Variants in RBMXL1 observed in about 807,000 individuals in gnomAD.
RBMXL1 encodes RNA binding motif protein, X-linked-like-1.
Under a neutral mutation model 29.0 loss-of-function variants are expected in RBMXL1, and 18 were observed. That is an observed-to-expected ratio of 0.62 (90% CI 0.43 to 0.92). The LOEUF (loss-of-function observed/expected upper bound fraction) is 0.92, where lower values mean the gene tolerates loss of function less well. Ranked by LOEUF, RBMXL1 falls within the 40% of genes least tolerant of loss-of-function variation. The pLI, the probability that RBMXL1 is intolerant of heterozygous loss-of-function variation, is 0.00. For missense variants in RBMXL1, 403 were observed against 495.8 expected, an observed-to-expected ratio of 0.81 and a Z score of 1.78; for synonymous variants, 141 against 170.4, an observed-to-expected ratio of 0.83 and a Z score of 1.34.
intron 2 of RBMXL1, among the ~76,000 whole-genome samples, chr1:88,985,528 G>A (rs1197919016): frequency 1.3e-5 from 2 of 152,208 alleles, no homozygotes; most frequent in African/African-American, 2.4e-5. Context: ...ATTGTTCAAG[G>A]TTGTTTAATG....
rs140488496 is a variant in RBMXL1, at chr1:88,990,625, T to A, written c.-341+1960A>T. 4.0e-4 allele frequency among the ~76,000 whole-genome samples: 61 copies of A among 152,326 alleles called. No individual in the cohort carries two copies. The East Asian group carries it at 6.9e-3, about 17-fold the overall frequency. ...TCTCCCACAATCCGCCATTGAATGA[T>A]GGAATTCCAAGACCTAGACCTAGGC... On this transcript the variant is annotated intron_variant, in intron 1 of 2. Transcript: ENST00000652648.
chr1:88,987,469 T>C, intron 2 of RBMXL1, among the ~76,000 whole-genome samples: 1 of 152,032 alleles, frequency 6.6e-6, no homozygotes, highest in African/African-American at 2.4e-5. Flanking sequence ...AGTTGAGAGA[T>C]TAGAATTAGG....
At position 88,983,866 on chromosome 1, in the gene RBMXL1, T is replaced by G. The variant is rs1570843204; in HGVS notation, c.-40A>C. 1 of 1,607,050 alleles carries G rather than the reference T, an allele frequency of 6.2e-7. No homozygotes were observed. The highest frequency in any genetic ancestry group is 8.5e-7 in the Non-Finnish European group (1 of 1,174,692). On this transcript the variant is annotated 5_prime_UTR_variant, in exon 3 of 3. Transcript: ENST00000652648. ...GTGAGTCGGAGGGGTGACAGTGGGT[T>G]CAAGCTCCAACAAGCTCGCCGACAG...
At chr1:88,984,854 T>C (rs1177845785) in intron 2 of RBMXL1, among the ~76,000 whole-genome samples, 1 of 151,932 alleles carries the variant, frequency 6.6e-6, no homozygotes, top group Non-Finnish European at 1.5e-5. Flanking sequence ...GAAAAAACAG[T>C]TTTGCCTTCA....
Position 88,983,988 on chromosome 1 carries a change from G to A in RBMXL1, c.-162C>T, listed in dbSNP as rs1316064204. On this transcript the variant is annotated 5_prime_UTR_variant, in exon 3 of 3. Coordinates refer to ENST00000652648, the MANE Select transcript of RBMXL1 (RefSeq NM_001162536.3). Reference sequence around the variant, plus strand: ...ACTGCGCAATCTGGATGCTTTTTAAGGTATGGCTATCCATTCAAAAAACCA... The same window carrying A: ...ACTGCGCAATCTGGATGCTTTTTAAAGTATGGCTATCCATTCAAAAAACCA... 4.9e-6 allele frequency: 3 copies of A among 606,964 alleles called. No homozygotes were observed. The East Asian group carries it at 8.4e-5, about 17-fold the overall frequency. 37.6% of individuals were successfully genotyped at this position (606,964 alleles called of 1,614,324 possible). A position where few individuals can be genotyped will look rare whatever the true frequency, so the allele number is the denominator to read the frequency against.
At chr1:88,989,270 T>C (rs1257829711) in intron 1 of RBMXL1, among the ~76,000 whole-genome samples, 1 of 152,110 alleles carries the variant, frequency 6.6e-6, no homozygotes, top group Admixed American at 6.5e-5. Context: ...AACCCAGTAG[T>C]ATACAAGAAG....
intron 2 of RBMXL1, among the ~76,000 whole-genome samples, chr1:88,984,356 C>T (rs376300994): frequency 6.6e-6 from 1 of 151,618 alleles, no homozygotes; most frequent in Non-Finnish European, 1.5e-5. Context: ...CTTGGATTAC[C>T]GGCATGCGCC....
In RBMXL1 at chr1:88,982,838, C is replaced by G. The variant is rs746590040; in HGVS notation, c.989G>C (p.Ser330Thr). The change falls in exon 3 of 3, where the codon AGC (serine) becomes ACC (threonine). Residue 330 changes from serine (S) to threonine (T), a missense_variant. Physicochemically the swap from Ser to Thr is moderately conservative, Grantham distance 58. Transcript: ENST00000652648. The stretch of plus-strand genomic sequence containing the variant: ...ACAACTTGAGTAGAGATCACTTCGG[C>G]TGCTTGAGTAACTGTCTCGACTTCC... ...YGGSRDSYSS[S>T]RSDLYSSCDR... 6.8e-6 allele frequency: 11 copies of G among 1,613,978 alleles called. No homozygotes were observed. In the South Asian group the frequency reaches 1.2e-4, roughly 18 times the overall value.
intron 2 of RBMXL1, among the ~76,000 whole-genome samples, chr1:88,987,407 C>T (rs1350362335): frequency 6.6e-6 from 1 of 152,066 alleles, no homozygotes; most frequent in Non-Finnish European, 1.5e-5. Context: ...ATATAGAAGA[C>T]ACTGATGATG....
chr1:88,982,408 C>T lies in RBMXL1; in HGVS notation c.*246G>A, dbSNP rs984166755. On this transcript the variant is annotated 3_prime_UTR_variant, in exon 3 of 3. Transcript: ENST00000652648. ...TACTTGGAAAGTTACAACACTAGTA[C>T]TACAAGGCTTAACACATTTAACATT... 2.1e-5 allele frequency: 19 copies of T among 893,598 alleles called. No homozygotes were observed. Among genetic ancestry groups the T allele is most frequent in the Admixed American group, 7.1e-5 (2 of 28,222 alleles). The allele number at this position is 893,598 out of a possible 1,614,324, so 55.4% of individuals were successfully genotyped here.
intron 1 of RBMXL1, among the ~76,000 whole-genome samples, chr1:88,991,933 T>A (rs549098111): frequency 6.6e-6 from 1 of 152,008 alleles, no homozygotes; most frequent in Non-Finnish European, 1.5e-5. Context: ...AATGTTGGAT[T>A]CTGCTAAGCT....
At chr1:88,986,194 G>A (rs79467497) in intron 2 of RBMXL1, among the ~76,000 whole-genome samples, 1 of 120,136 alleles carries the variant, frequency 8.3e-6, no homozygotes, top group Non-Finnish European at 1.9e-5. Context: ...AAAAAAAAAA[G>A]AGAGAGAGAG....
At chr1:88,988,659 G>C (rs779724772) in intron 1 of RBMXL1, among the ~76,000 whole-genome samples, 2 of 152,130 alleles carry the variant, frequency 1.3e-5, no homozygotes, top group Non-Finnish European at 2.9e-5. Context: ...ATTTCAGAAA[G>C]TGAAAGTTCC....
Position 88,980,034 on chromosome 1 carries a change from T to C in RBMXL1, c.*2620A>G, listed in dbSNP as rs1235028420. ...CACTGCAACCTGGTGAATTTCAAAG[T>C]CATTGTGTGTGAAAGAAACCATAAA... On this transcript the variant is annotated 3_prime_UTR_variant, in exon 3 of 3. Transcript: ENST00000652648. 1 of 152,176 alleles carries C rather than the reference T, an allele frequency of 6.6e-6. No homozygotes were observed. Among genetic ancestry groups the C allele is most frequent in the Non-Finnish European group, 1.5e-5 (1 of 68,024 alleles). 9.4% of individuals were successfully genotyped at this position (152,176 alleles called of 1,614,324 possible).
At position 88,984,004 on chromosome 1, in the gene RBMXL1, C is replaced by CA; in HGVS notation, c.-179dup. 1 of 529,100 alleles carries CA rather than the reference C, an allele frequency of 1.9e-6. No individual in the cohort carries two copies. Among genetic ancestry groups the CA allele is most frequent in the Non-Finnish European group, 3.4e-6 (1 of 291,356 alleles). The allele number at this position is 529,100 out of a possible 1,614,324, so 32.8% of individuals were successfully genotyped here. A position where few individuals can be genotyped will look rare whatever the true frequency, so the allele number is the denominator to read the frequency against. On this transcript the variant is annotated 5_prime_UTR_variant, in exon 3 of 3. An upstream open reading frame in the 5' UTR loses its in-frame stop. Transcript: ENST00000652648. ...GCTTTTTAAGGTATGGCTATCCATTCAAAAAACCAGGAAAATTACTTTCTT... is the reference window on the plus strand; with the variant it reads ...GCTTTTTAAGGTATGGCTATCCATTCAAAAAAACCAGGAAAATTACTTTCTT...
At position 88,983,975 on chromosome 1, in the gene RBMXL1, G is replaced by C; in HGVS notation, c.-149C>G. 1 of 862,086 alleles carries C rather than the reference G, an allele frequency of 1.2e-6. No individual in the cohort carries two copies. The highest frequency in any genetic ancestry group is 1.9e-6 in the Non-Finnish European group (1 of 536,686). The allele number at this position is 862,086 out of a possible 1,614,324, so 53.4% of individuals were successfully genotyped here. Reference sequence around the variant, plus strand: ...AGCCGCTAGCACTACTGCGCAATCTGGATGCTTTTTAAGGTATGGCTATCC... The same window carrying C: ...AGCCGCTAGCACTACTGCGCAATCTCGATGCTTTTTAAGGTATGGCTATCC... On this transcript the variant is annotated 5_prime_UTR_variant, in exon 3 of 3. Transcript: ENST00000652648.
Position 88,982,363 on chromosome 1 carries a change from G to A in RBMXL1, c.*291C>T, listed in dbSNP as rs1170525837. 2.7e-6 allele frequency: 2 copies of A among 743,162 alleles called. No individual in the cohort carries two copies. Among genetic ancestry groups the A allele is most frequent in the South Asian group, 3.3e-5 (1 of 30,768 alleles). The allele number at this position is 743,162 out of a possible 1,614,324, so 46.0% of individuals were successfully genotyped here. On this transcript the variant is annotated 3_prime_UTR_variant, in exon 3 of 3. Coordinates refer to ENST00000652648, the MANE Select transcript of RBMXL1 (RefSeq NM_001162536.3). Reference sequence around the variant, plus strand: ...TTTACTGGGAAAAACCAGATAGGAAGTGGTCTTTAGGGACACCTTTACTTG... The same window carrying A: ...TTTACTGGGAAAAACCAGATAGGAAATGGTCTTTAGGGACACCTTTACTTG...
chr1:88,990,717 T>C (rs576884960), intron 1 of RBMXL1, among the ~76,000 whole-genome samples: 7 of 152,264 alleles, frequency 4.6e-5, no homozygotes, highest in East Asian at 1.9e-4. Flanking sequence ...TGTGGGAGCA[T>C]AGGTGAAAAA....
rs1677037231 is a variant in RBMXL1, at chr1:88,980,647, C to T, written c.*2007G>A. 1 of 152,518 alleles carries T rather than the reference C, an allele frequency of 6.6e-6. No individual in the cohort carries two copies. The highest frequency in any genetic ancestry group is 2.4e-5 in the African/African-American group (1 of 41,444). The allele number at this position is 152,518 out of a possible 1,614,324, so 9.4% of individuals were successfully genotyped here. A position where few individuals can be genotyped will look rare whatever the true frequency, so the allele number is the denominator to read the frequency against. On this transcript the variant is annotated 3_prime_UTR_variant, in exon 3 of 3. Transcript: ENST00000652648. Reference sequence around the variant, plus strand: ...CTAGTTCAGTAAACTATTTATCAAACAGGTGTCTGGTCATTTTAACATACT... The same window carrying T: ...CTAGTTCAGTAAACTATTTATCAAATAGGTGTCTGGTCATTTTAACATACT...
Sources: allele counts gnomAD v4.1 joint callset (sites outside exome capture counted in the v4.1 genomes callset), GRCh38; gene constraint gnomAD v4.1.1; transcripts MANE v1.5; gene names NCBI Gene and HGNC (gene_info 2026-07-23, HGNC 2026-07-21).